CHODL: variants seen among roughly 807,000 people sequenced by gnomAD.
CHODL encodes the protein chondrolectin, also known as transmembrane protein MT75.
Under a neutral mutation model 34.5 loss-of-function variants are expected in CHODL, and 29 were observed. The ratio of observed to expected loss-of-function variants is 0.84; its 90% CI spans 0.63 to 1.15. The LOEUF (loss-of-function observed/expected upper bound fraction) is 1.15. Among genes scored for constraint, CHODL ranks in the 50% most tolerant of loss-of-function variants. The pLI, the probability that CHODL is intolerant of heterozygous loss-of-function variation, is 0.00. For synonymous variants in CHODL, 125 were observed against 116.1 expected (o/e 1.08, Z -0.49); for missense variants, 332 against 332.5 (o/e 1.00, Z 0.01).
chr21:18,051,418 A>AT (rs1247849121), intron 2 of CHODL, among the ~76,000 whole-genome samples: 1 of 108,188 alleles, frequency 9.2e-6, no homozygotes, highest in African/African-American at 3.4e-5. Context: ...TTTTTTTTTT[A>AT]TTTTTTCCGT....
intron 2 of CHODL, among the ~76,000 whole-genome samples, chr21:18,153,750 A>T (rs1418772696): frequency 6.6e-6 from 1 of 151,990 alleles, no homozygotes; most frequent in Non-Finnish European, 1.5e-5. Context: ...ACTATGTTTT[A>T]TATATATATA....
intron 2 of CHODL, among the ~76,000 whole-genome samples, chr21:18,089,422 G>A (rs1265770059): frequency 6.6e-6 from 1 of 152,040 alleles, no homozygotes; most frequent in East Asian, 1.9e-4. Context: ...TTTATAGTGA[G>A]TAGAGAGAAT....
At chr21:18,034,135 G>A (rs2064281023) in intron 2 of CHODL, among the ~76,000 whole-genome samples, 1 of 151,866 alleles carries the variant, frequency 6.6e-6, no homozygotes, top group African/African-American at 2.4e-5. Context: ...GAATGGCTAT[G>A]CTTCTCAGTC....
chr21:18,005,814 C>T (rs2063955108), intron 1 of CHODL, among the ~76,000 whole-genome samples: 1 of 152,140 alleles, frequency 6.6e-6, no homozygotes, highest in African/African-American at 2.4e-5. Flanking sequence ...GGAAACAGCA[C>T]ACACTGGGGC....
At chr21:18,123,864 G>A (rs566470224) in intron 2 of CHODL, among the ~76,000 whole-genome samples, 52 of 152,192 alleles carry the variant, frequency 3.4e-4, no homozygotes, top group African/African-American at 1.1e-3. Context: ...CAGCAAGAAC[G>A]CAGGGTACCT....
At chr21:18,253,349 C>G (rs1050040426) in intron 1 of CHODL, among the ~76,000 whole-genome samples, 12 of 151,688 alleles carry the variant, frequency 7.9e-5, no homozygotes, top group African/African-American at 2.9e-4. Context: ...TGACATCTTG[C>G]AAAACAATCT....
In CHODL at chr21:17,933,944, C is replaced by T. The variant is rs560927142; in HGVS notation, c.-145+16544C>T. On this transcript the variant is annotated intron_variant, in intron 1 of 6. Coordinates refer to the CHODL transcript ENST00000400127. Reference sequence around the variant, plus strand: ...GTCCCAGCTACTCGGGAGGCTGAGACGAGAATCACTTGAACTGGGGAGGCA... The same window carrying T: ...GTCCCAGCTACTCGGGAGGCTGAGATGAGAATCACTTGAACTGGGGAGGCA... Among the ~76,000 whole-genome samples, 15 of 151,290 alleles carry T rather than the reference C, an allele frequency of 9.9e-5. No individual in the cohort carries two copies. In the South Asian group the frequency reaches 1.7e-3, roughly 17 times the overall value.
chr21:18,103,561 T>G (rs2065239733), intron 2 of CHODL, among the ~76,000 whole-genome samples: 3 of 152,196 alleles, frequency 2.0e-5, no homozygotes, highest in South Asian at 2.1e-4. Flanking sequence ...TTTCCTCAGC[T>G]GTATGTGGCA....
At chr21:18,153,133 T>C (rs1018291699) in intron 2 of CHODL, among the ~76,000 whole-genome samples, 27 of 152,200 alleles carry the variant, frequency 1.8e-4, no homozygotes, top group African/African-American at 6.0e-4. Context: ...GTTTATTGTC[T>C]AAGAGTTTAG....
chr21:18,080,395 A>G (rs918391841), intron 2 of CHODL, among the ~76,000 whole-genome samples: 4 of 152,258 alleles, frequency 2.6e-5, no homozygotes, highest in East Asian at 3.9e-4. Context: ...TTGGTTATAA[A>G]TATTTTGCCA....
At chr21:17,979,109 A>G (rs567974472) in intron 1 of CHODL, among the ~76,000 whole-genome samples, 1 of 152,278 alleles carries the variant, frequency 6.6e-6, no homozygotes, top group South Asian at 2.1e-4. Flanking sequence ...TTTCTTATTT[A>G]AGGTCCATAA....
At chr21:17,998,397 T>C (rs2063872107) in intron 1 of CHODL, among the ~76,000 whole-genome samples, 1 of 152,164 alleles carries the variant, frequency 6.6e-6, no homozygotes, top group African/African-American at 2.4e-5. Context: ...GGTGGATCTA[T>C]CATTTTAGGG....
chr21:18,257,120 T>C lies in CHODL; in HGVS notation c.540T>C (p.Tyr180=), dbSNP rs779944626. ...CNMKHNYICK[Y]EPEINPTAPV... is the part of the protein sequence containing the mutation. ...TGAAGCACAATTATATTTGCAAGTATGAACCAGGTAAGCAGTAGCAAAAGA... is the reference window on the plus strand; with the variant it reads ...TGAAGCACAATTATATTTGCAAGTACGAACCAGGTAAGCAGTAGCAAAAGA... The change falls in exon 3 of 6, where the codon TAT becomes TAC. Residue 180 remains tyrosine (Y), a synonymous_variant. Transcript: ENST00000299295. 14 of 1,610,908 alleles carry C rather than the reference T, an allele frequency of 8.7e-6. No homozygotes were observed. Among genetic ancestry groups the C allele is most frequent in the Non-Finnish European group, 1.0e-5 (12 of 1,178,620 alleles).
At chr21:17,992,730 TTTTTTTTTTTTTTC>T (rs2063809028) in intron 1 of CHODL, among the ~76,000 whole-genome samples, 2 of 144,612 alleles carry the variant, frequency 1.4e-5, no homozygotes, top group Admixed American at 6.9e-5. Flanking sequence ...TTTTTTTTTT[TTTTTTTTTTTTTTC>T]CAGACAGAGT....
At chr21:17,971,721 G>A (rs1263860877) in intron 1 of CHODL, among the ~76,000 whole-genome samples, 3 of 152,034 alleles carry the variant, frequency 2.0e-5, no homozygotes, top group Non-Finnish European at 4.4e-5. Context: ...TTCTACCAGA[G>A]GTACAGAGAG....
At chr21:18,077,841 A>G (rs1427707026) in intron 2 of CHODL, among the ~76,000 whole-genome samples, 1 of 152,190 alleles carries the variant, frequency 6.6e-6, no homozygotes, top group Non-Finnish European at 1.5e-5. Flanking sequence ...GTCTGAATGG[A>G]CTATTGGAAT....
At chr21:18,265,767 T>G (rs2074452183) in intron 5 of CHODL, among the ~76,000 whole-genome samples, 187 bp from the exon 6 acceptor site, 1 of 152,196 alleles carries the variant, frequency 6.6e-6, no homozygotes, top group South Asian at 2.1e-4. Flanking sequence ...TCTCTATCAT[T>G]CACAAGAACT....
At chr21:18,188,142 C>G (rs2073465628) in intron 2 of CHODL, among the ~76,000 whole-genome samples, 1 of 151,520 alleles carries the variant, frequency 6.6e-6, no homozygotes, top group African/African-American at 2.4e-5. Flanking sequence ...ATACTTTTCT[C>G]TTGGATTTCA....
At chr21:18,050,792 G>A (rs1403156377) in intron 2 of CHODL, among the ~76,000 whole-genome samples, 1 of 151,866 alleles carries the variant, frequency 6.6e-6, no homozygotes, top group Admixed American at 6.6e-5. Context: ...TAGAAGAATT[G>A]TAGACTTGTT....
Sources: gnomAD v4.1 joint callset for allele counts (sites outside exome capture counted in the v4.1 genomes callset) on GRCh38, gnomAD v4.1.1 for gene constraint, MANE v1.5 for transcripts, NCBI Gene and HGNC (gene_info 2026-07-23, HGNC 2026-07-21) for gene names.